The following EYA4 variants were observed in gnomAD, a reference collection of about 807,000 sequenced individuals.
EYA4 encodes EYA transcriptional coactivator and phosphatase 4.
Under a neutral mutation model 87.9 loss-of-function variants are expected in EYA4, and 31 were observed. The observed-to-expected ratio is 0.35, with a 90% CI of 0.27 to 0.48. The LOEUF (loss-of-function observed/expected upper bound fraction) is 0.48. EYA4 is among the 20% of genes least tolerant of loss of function. EYA4 has a pLI of 0.99. For synonymous variants in EYA4, 263 were observed against 270.6 expected (o/e 0.97, Z 0.28); for missense variants, 678 against 761.4 (o/e 0.89, Z 1.29).
intron 5 of EYA4, among the ~76,000 whole-genome samples, chr6:133,455,978 G>A (rs1583326362): frequency 6.6e-6 from 1 of 151,964 alleles, no homozygotes; most frequent in Non-Finnish European, 1.5e-5. Flanking sequence ...CTTTTTCTAC[G>A]CTTATCTCTA....
chr6:133,347,311 A>G (rs1489363731), intron 2 of EYA4, among the ~76,000 whole-genome samples: 1 of 152,106 alleles, frequency 6.6e-6, no homozygotes, highest in Non-Finnish European at 1.5e-5. Context: ...TATGTAAAAC[A>G]TGTATTTTAC....
intron 4 of EYA4, among the ~76,000 whole-genome samples, chr6:133,447,905 T>C (rs1054387237): frequency 1.3e-5 from 2 of 152,190 alleles, no homozygotes; most frequent in African/African-American, 4.8e-5. Flanking sequence ...TCAAGCACTC[T>C]AGGAACAGAC....
At chr6:133,419,761 A>C (rs368970117) in intron 3 of EYA4, among the ~76,000 whole-genome samples, 1 of 152,218 alleles carries the variant, frequency 6.6e-6, no homozygotes, top group East Asian at 1.9e-4. Flanking sequence ...CAATGCATCC[A>C]GCCATGATGG....
In EYA4 at chr6:133,299,951, C is replaced by CTATATA. The variant is rs1252685993; in HGVS notation, c.33+25141_33+25142insATATAT. Among the ~76,000 whole-genome samples the CTATATA allele has an allele frequency of 2.8e-3, 367 of 130,952 alleles. 4 individuals are homozygous for CTATATA. The highest frequency in any genetic ancestry group is 0.011 in the African/African-American group (341 of 31,064). 85.9% of individuals were successfully genotyped at this position (130,952 alleles called of 152,430 possible). On this transcript the variant is annotated intron_variant, in intron 2 of 19. Coordinates refer to ENST00000355286, the MANE Select transcript of EYA4 (RefSeq NM_004100.5). Reference sequence around the variant, plus strand: ...TCTATCTATCTATCTATCTATCTATCTATCTATATATATATATATCTTTTG... The same window carrying CTATATA: ...TCTATCTATCTATCTATCTATCTATCTATATATATCTATATATATATATATCTTTTG...
intron 19 of EYA4, 50 bp from the exon 20 acceptor site, chr6:133,528,675 C>G: frequency 7.8e-7 from 1 of 1,276,572 alleles, no homozygotes; most frequent in Non-Finnish European, 1.1e-6. Flanking sequence ...CTCTCCATGC[C>G]TCATTCCTTC....
At chr6:133,321,095 A>G (rs1781054538) in intron 2 of EYA4, among the ~76,000 whole-genome samples, 1 of 152,348 alleles carries the variant, frequency 6.6e-6, no homozygotes, top group Admixed American at 6.5e-5. Flanking sequence ...TTTTGAATGA[A>G]TGACACGTTG....
chr6:133,394,287 T>TTTTTTTTG (rs1562369158), intron 3 of EYA4, among the ~76,000 whole-genome samples: 4 of 15,676 alleles, frequency 2.6e-4, no homozygotes, highest in Non-Finnish European at 5.0e-4. Flanking sequence ...AGCTTGTGTT[T>TTTTTTTTG]TTTTTTTTTT....
At chr6:133,494,990 C>T (rs1797510515) in intron 13 of EYA4, among the ~76,000 whole-genome samples, 1 of 152,082 alleles carries the variant, frequency 6.6e-6, no homozygotes, top group Non-Finnish European at 1.5e-5. Context: ...CTCATGACGC[C>T]AGGTGCGGTG....
chr6:133,464,111 C>T (rs370981338), intron 9 of EYA4, among the ~76,000 whole-genome samples: 74 of 152,208 alleles, frequency 4.9e-4, no homozygotes, highest in African/African-American at 1.7e-3. Context: ...TTGACAAGCA[C>T]ATTCCATAAG....
intron 14 of EYA4, among the ~76,000 whole-genome samples, chr6:133,511,199 G>A (rs1046599039): frequency 6.6e-6 from 1 of 152,124 alleles, no homozygotes; most frequent in Non-Finnish European, 1.5e-5. Context: ...TTTCTGTGTG[G>A]AAATCTGGAG....
chr6:133,399,117 C>T (rs777095263), intron 3 of EYA4, among the ~76,000 whole-genome samples: 1 of 152,162 alleles, frequency 6.6e-6, no homozygotes, highest in African/African-American at 2.4e-5. Flanking sequence ...AAATTCAGGT[C>T]AGCATGCAAA....
chr6:133,455,355 TCTTTA>T (rs1284122324), intron 5 of EYA4, among the ~76,000 whole-genome samples: 2 of 151,990 alleles, frequency 1.3e-5, no homozygotes, highest in African/African-American at 4.8e-5. Flanking sequence ...AATCCAAGTT[TCTTTA>T]CTTTCTGTTT....
chr6:133,468,648 C>A lies in EYA4; in HGVS notation c.887C>A (p.Ser296Ter). 2 of 1,612,870 alleles carry A rather than the reference C, an allele frequency of 1.2e-6. No homozygotes were observed. The highest frequency in any genetic ancestry group is 8.5e-7 in the Non-Finnish European group (1 of 1,179,098). ...SASTYGAYMT[S>*]NNTADGTPSS... The stretch of plus-strand genomic sequence containing the variant: ...TCAACGTATGGAGCGTATATGACAT[C>A]GAATAACACAGCCGATGGCACACCC... Residue 296 changes from serine (S) to a stop codon, truncating the protein, a stop_gained, in exon 11 of 20, where the codon TCG (serine) becomes TAG (stop). Transcript: ENST00000355286. LOFTEE classifies it high-confidence loss of function.
intron 2 of EYA4, among the ~76,000 whole-genome samples, chr6:133,334,019 A>C (rs1308528330): frequency 6.6e-6 from 1 of 152,146 alleles, no homozygotes; most frequent in Non-Finnish European, 1.5e-5. Flanking sequence ...GCTCTCAGCT[A>C]TGTTTCAATC....
intron 2 of EYA4, among the ~76,000 whole-genome samples, chr6:133,327,017 G>A (rs1025172745): frequency 6.6e-6 from 1 of 152,016 alleles, no homozygotes; most frequent in African/African-American, 2.4e-5. Flanking sequence ...CATGAGTTTT[G>A]CCAAAATACA....
intron 2 of EYA4, among the ~76,000 whole-genome samples, chr6:133,319,661 T>C (rs1415400358): frequency 6.6e-6 from 1 of 152,072 alleles, no homozygotes; most frequent in Admixed American, 6.6e-5. Flanking sequence ...TGATTTTGTT[T>C]TAAGGGTGTC....
chr6:133,360,503 C>T (rs1402740338), intron 2 of EYA4: 1 of 152,202 alleles, frequency 6.6e-6, no homozygotes, highest in Admixed American at 6.5e-5. Context: ...AGATGCTTTT[C>T]AGGATATCTT....
At chr6:133,357,958 C>T (rs2128441094) in intron 2 of EYA4, among the ~76,000 whole-genome samples, 1 of 151,764 alleles carries the variant, frequency 6.6e-6, no homozygotes, top group African/African-American at 2.4e-5. Context: ...TCTATATTAT[C>T]TATATCTGTT....
chr6:133,367,006 T>A (rs906492438), intron 2 of EYA4, among the ~76,000 whole-genome samples: 4 of 152,208 alleles, frequency 2.6e-5, no homozygotes, highest in African/African-American at 9.6e-5. Context: ...GAAGTTCTTT[T>A]AGTTAGTTTG....
Sources: allele counts gnomAD v4.1 joint callset (sites outside exome capture counted in the v4.1 genomes callset), GRCh38; gene constraint gnomAD v4.1.1; transcripts MANE v1.5; gene names NCBI Gene and HGNC (gene_info 2026-07-23, HGNC 2026-07-21).